The following MCM3AP variants were observed in gnomAD, a reference collection of about 807,000 sequenced individuals.
The protein encoded by MCM3AP is germinal-center associated nuclear protein.
Under a neutral mutation model 184.1 loss-of-function variants are expected in MCM3AP, and 126 were observed. The ratio of observed to expected loss-of-function variants is 0.68; its 90% CI spans 0.59 to 0.79. MCM3AP has a LOEUF of 0.79. Among genes scored for constraint, MCM3AP ranks in the 30% least tolerant of loss-of-function variants. MCM3AP has a pLI of 0.00. For synonymous variants in MCM3AP, 1,002 were observed against 979.3 expected, an observed-to-expected ratio of 1.02 and a Z score of -0.43; for missense variants, 2,496 against 2,479.2, an observed-to-expected ratio of 1.01 and a Z score of -0.14.
At chr21:46,254,248 A>G in intron 19 of MCM3AP, 144 bp downstream of exon 19, 1 of 836,954 alleles carries the variant, frequency 1.2e-6, no homozygotes, top group Non-Finnish European at 1.9e-6. Flanking sequence ...CATGAGCAAA[A>G]CAGACTGTAA....
intron 26 of MCM3AP, among the ~76,000 whole-genome samples, chr21:46,239,805 G>C (rs997459967): frequency 2.6e-5 from 4 of 152,034 alleles, no homozygotes; most frequent in African/African-American, 9.7e-5. Context: ...ATGAATCCAG[G>C]GGGCAGCTGG....
At chr21:46,252,073 C>G (rs1002975365) in intron 19 of MCM3AP, 1 of 156,932 alleles carries the variant, frequency 6.4e-6, no homozygotes, top group African/African-American at 2.4e-5. Flanking sequence ...CACTATGTTG[C>G]TCATGCTGGC....
At chr21:46,272,943 T>C in intron 7 of MCM3AP, 114 bp from the exon 8 acceptor site, 1 of 1,038,176 alleles carries the variant, frequency 9.6e-7, no homozygotes, top group Non-Finnish European at 1.4e-6. Flanking sequence ...ACAAAGCCCA[T>C]GATGCACATT....
chr21:46,269,596 T>C (rs928311181), intron 9 of MCM3AP, among the ~76,000 whole-genome samples: 3 of 152,134 alleles, frequency 2.0e-5, no homozygotes, highest in Admixed American at 1.3e-4. Context: ...ACCAAAGAAA[T>C]GACCTGGAGC....
chr21:46,284,285 TC>T lies in MCM3AP; in HGVS notation c.1001del (p.Gly334GlufsTer19). 6.2e-7 allele frequency: 1 copy of T among 1,614,140 alleles called. No homozygotes were observed. The highest frequency in any genetic ancestry group is 2.2e-5 in the East Asian group (1 of 44,884). On this transcript the variant is annotated frameshift_variant, in exon 1 of 28. Transcript: ENST00000291688. LOFTEE classifies it high-confidence loss of function. ...KRPVRLNRPR[G>X]GTLFGRTIQD... The stretch of plus-strand genomic sequence containing the variant: ...GTATCGTCCGACCAAATAAAGTACC[TC>T]CCCGGGGTCGATTCAGGCGGACAGG...
rs780095179 is a variant in MCM3AP, at chr21:46,285,173, AAG to A, written c.112_113del (p.Leu38PhefsTer50). On this transcript the variant is annotated frameshift_variant, in exon 1 of 28. Transcript: ENST00000291688. LOFTEE classifies it high-confidence loss of function. Reference protein sequence around the residue: ...KPPFRFGQPSLFGQNSTLSGK... With the variant: ...KPPFRFGQPSXFGQNSTLSGK... ...CAGATAAGGTACTGTTTTGTCCAAA[AAG>A]AGAAGGTTGACCAAATCGAAATGGC... 6.2e-6 allele frequency: 10 copies of A among 1,614,218 alleles called. No homozygotes were observed. The highest frequency in any genetic ancestry group is 8.5e-6 in the Non-Finnish European group (10 of 1,180,050).
Position 46,254,779 on chromosome 21 carries a change from A to G in MCM3AP, c.3998T>C (p.Leu1333Pro), listed in dbSNP as rs974753020. The G allele has an allele frequency of 2.5e-6, 4 of 1,613,652 alleles. No individual in the cohort carries two copies. Among genetic ancestry groups the G allele is most frequent in the Admixed American group, 3.3e-5 (2 of 60,012 alleles). Residue 1333 changes from leucine (L) to proline (P), a missense_variant, in exon 18 of 28, where the codon CTG becomes CCG. By Grantham distance (98) the Leu-to-Pro change is moderately conservative. Transcript: ENST00000291688. Reference sequence around the variant, plus strand: ...AGAAGGGTGCAGCATGACAGACCTCAGCAGCTGCTGGTAGAAGTGCTGAAC... The same window carrying G: ...AGAAGGGTGCAGCATGACAGACCTCGGCAGCTGCTGGTAGAAGTGCTGAAC... Reference protein sequence around the residue: ...MKVQHFYQQLLSDVAWASLDL... With the variant: ...MKVQHFYQQLPSDVAWASLDL...
At position 46,265,477 on chromosome 21, in the gene MCM3AP, CAG is replaced by C. The variant is rs781132356; in HGVS notation, c.3076_3077del (p.Leu1026ValfsTer39). 3 of 1,611,050 alleles carry C rather than the reference CAG, an allele frequency of 1.9e-6. No homozygotes were observed. Among genetic ancestry groups the C allele is most frequent in the Non-Finnish European group, 2.5e-6 (3 of 1,178,666 alleles). On this transcript the variant is annotated frameshift_variant, in exon 12 of 28. Coordinates refer to ENST00000291688, the MANE Select transcript of MCM3AP (RefSeq NM_003906.5). LOFTEE classifies it high-confidence loss of function. ...EECGVEPDAPLSSLPQSLPAP... is the reference protein window; with the variant it reads ...EECGVEPDAPXSSLPQSLPAP... ...CTGGTAGAGACTGTGGGAGACTGGACAGGGGTGCATCCGGCTCTACACCACAC... is the reference window on the plus strand; with the variant it reads ...CTGGTAGAGACTGTGGGAGACTGGACGGGTGCATCCGGCTCTACACCACAC...
rs143889139 is a variant in MCM3AP, at chr21:46,256,887, C to T, written c.3834G>A (p.Ala1278=). 26 of 1,601,004 alleles carry T rather than the reference C, an allele frequency of 1.6e-5. No homozygotes were observed. Among genetic ancestry groups the T allele is most frequent in the Middle Eastern group, 3.4e-4 (2 of 5,942 alleles). The change falls in exon 17 of 28, where the codon GCG becomes GCA. Residue 1278 remains alanine (A), a synonymous_variant. Transcript: ENST00000291688. ...CCVDVSDRLR[A]LAPSAECPIA... is the part of the protein sequence containing the mutation. The stretch of plus-strand genomic sequence containing the variant: ...TGGGGCACTCTGCGCTGGGCGCCAG[C>T]GCCCTCAGCCGGTCGCTCACGTCCA...
intron 10 of MCM3AP, chr21:46,266,418 T>C (rs2081113035): frequency 2.7e-6 from 1 of 368,242 alleles, no homozygotes; most frequent in African/African-American, 2.1e-5. Context: ...CCCAAAACCG[T>C]CTAATTTTCT....
intron 16 of MCM3AP, among the ~76,000 whole-genome samples, chr21:46,258,211 G>A (rs2145655139): frequency 6.6e-6 from 1 of 152,314 alleles, no homozygotes; most frequent in Middle Eastern, 3.4e-3. Context: ...TGTTGTAGAA[G>A]GAAGACTCAC....
At chr21:46,241,134 A>C in intron 25 of MCM3AP, 117 bp from the exon 26 acceptor site, 1 of 759,566 alleles carries the variant, frequency 1.3e-6, no homozygotes. Context: ...TGTGCCTCAG[A>C]CACATGTGCC....
chr21:46,246,638 T>A lies in MCM3AP; in HGVS notation c.4539A>T (p.Glu1513Asp). ...PSPGGDAVEK[E>D]VEDGLMLQDL... ...ACTTCCTTCACAAACCATCTTCTAC[T>A]TCCTTCTCAACGGCGTCCCCTCCTG... The change falls in exon 21 of 28, where the codon GAA becomes GAT. Residue 1513 changes from glutamate to aspartate, a missense_variant. Physicochemically the swap from Glu to Asp is conservative, Grantham distance 45. Coordinates refer to ENST00000291688, the MANE Select transcript of MCM3AP (RefSeq NM_003906.5). 1 of 1,610,330 alleles carries A rather than the reference T, an allele frequency of 6.2e-7. No individual in the cohort carries two copies.
At chr21:46,279,334 G>A (rs1263908429) in intron 4 of MCM3AP, among the ~76,000 whole-genome samples, 2 of 152,208 alleles carry the variant, frequency 1.3e-5, no homozygotes, top group East Asian at 1.9e-4. Flanking sequence ...AATGTCTTGA[G>A]GTAAAAAGTT....
At chr21:46,273,662 G>T in intron 6 of MCM3AP, 77 bp from the exon 7 acceptor site, 2 of 1,099,390 alleles carry the variant, frequency 1.8e-6, no homozygotes, top group Non-Finnish European at 2.7e-6. Flanking sequence ...AAAATGAGGG[G>T]GAAAATCACA....
rs574725769 is a variant in MCM3AP at position 46,274,982 on chromosome 21, T to TA, written c.1998+203dup. 1.6e-4 allele frequency among the ~76,000 whole-genome samples: 24 copies of TA among 151,264 alleles called. No individual in the cohort carries two copies. The South Asian group carries it at 4.6e-3, about 29-fold the overall frequency. On this transcript the variant is annotated intron_variant, in intron 6 of 27. Coordinates refer to ENST00000291688, the MANE Select transcript of MCM3AP (RefSeq NM_003906.5). ...AAAGAATTTGAAAAACAACTTTATTTAAAATAACTTGCATCTATACCTTAT... is the reference window on the plus strand; with the variant it reads ...AAAGAATTTGAAAAACAACTTTATTTAAAAATAACTTGCATCTATACCTTAT...
At chr21:46,260,967 G>T in intron 14 of MCM3AP, 61 bp from the exon 15 acceptor site, 2 of 1,331,772 alleles carry the variant, frequency 1.5e-6, no homozygotes, top group Non-Finnish European at 1.1e-6. Flanking sequence ...AGTGCTGTTT[G>T]TTTTACTCCC....
intron 15 of MCM3AP, among the ~76,000 whole-genome samples, chr21:46,260,391 T>C (rs1462720265): frequency 6.6e-6 from 1 of 152,194 alleles, no homozygotes; most frequent in African/African-American, 2.4e-5. Flanking sequence ...GCTTAAGTGA[T>C]CTTTGCACCT....
intron 6 of MCM3AP, 61 bp from the exon 7 acceptor site, chr21:46,273,646 T>C (rs2081216163): frequency 1.5e-6 from 2 of 1,320,806 alleles, no homozygotes; most frequent in Non-Finnish European, 2.2e-6. Flanking sequence ...GGCATAGTTA[T>C]GCCTGAAAAT....
Sources: gnomAD v4.1 joint callset for allele counts (sites outside exome capture counted in the v4.1 genomes callset) on GRCh38, gnomAD v4.1.1 for gene constraint, MANE v1.5 for transcripts, NCBI Gene and HGNC (gene_info 2026-07-23, HGNC 2026-07-21) for gene names.